Variants in CNTNAP2 observed in about 807,000 individuals in gnomAD.
CNTNAP2 encodes contactin associated protein 2, also known as contactin-associated protein-like 2.
In CNTNAP2, 98 loss-of-function variants were observed where a neutral mutation model predicts 155.2. The observed-to-expected ratio is 0.63, with a 90% CI of 0.54 to 0.75. CNTNAP2 has a LOEUF of 0.75. Ranked by LOEUF, CNTNAP2 falls within the 30% of genes least tolerant of loss-of-function variation. CNTNAP2 has a pLI of 0.00. For synonymous variants in CNTNAP2, 651 were observed against 631.2 expected (o/e 1.03, Z -0.47); for missense variants, 1,727 against 1,688.1 (o/e 1.02, Z -0.40).
intron 9 of CNTNAP2, among the ~76,000 whole-genome samples, chr7:147,308,928 A>G (rs1795077360): frequency 6.6e-6 from 1 of 152,212 alleles, no homozygotes. Flanking sequence ...TAATTTGGGG[A>G]CCTTGCCATT....
chr7:147,737,405 C>G (rs10215975), intron 13 of CNTNAP2, among the ~76,000 whole-genome samples: 1 of 152,122 alleles, frequency 6.6e-6, no homozygotes, highest in Non-Finnish European at 1.5e-5. Context: ...GAGGGGTACC[C>G]GGCCGGGTGA....
In CNTNAP2 at chr7:147,813,379, A is replaced by C. The variant is rs542556237; in HGVS notation, c.2099-90186A>C. ...AAGAAGAAAGCCTTTTTAGATGAAAAAGATAGTCATATGTCTCCAAACCCT... is the reference window on the plus strand; with the variant it reads ...AAGAAGAAAGCCTTTTTAGATGAAACAGATAGTCATATGTCTCCAAACCCT... On this transcript the variant is annotated intron_variant, in intron 13 of 23. Coordinates refer to ENST00000361727, the MANE Select transcript of CNTNAP2 (RefSeq NM_014141.6). 4.6e-5 allele frequency among the ~76,000 whole-genome samples: 7 copies of C among 152,340 alleles called. No homozygotes were observed. In the East Asian group the frequency reaches 1.4e-3, roughly 29 times the overall value.
At chr7:146,526,438 C>T (rs1422698504) in intron 1 of CNTNAP2, among the ~76,000 whole-genome samples, 1 of 152,090 alleles carries the variant, frequency 6.6e-6, no homozygotes, top group Non-Finnish European at 1.5e-5. Flanking sequence ...GAAGGAAGGG[C>T]AGATGTGTCA....
intron 9 of CNTNAP2, among the ~76,000 whole-genome samples, chr7:147,384,688 T>A (rs1796597843): frequency 6.6e-6 from 1 of 152,194 alleles, no homozygotes; most frequent in Non-Finnish European, 1.5e-5. Context: ...ATAAATGTAA[T>A]CCAAATTAGA....
chr7:147,641,151 A>T (rs1239463354), intron 13 of CNTNAP2, among the ~76,000 whole-genome samples: 1 of 147,580 alleles, frequency 6.8e-6, no homozygotes, highest in Non-Finnish European at 1.5e-5. Flanking sequence ...TTCCTGCTAG[A>T]CAAGAAACAT....
chr7:147,039,609 A>G (rs1213635712), intron 3 of CNTNAP2, among the ~76,000 whole-genome samples: 1 of 152,142 alleles, frequency 6.6e-6, no homozygotes, highest in Non-Finnish European at 1.5e-5. Flanking sequence ...TGCCTTTGCT[A>G]TTGTGAATAG....
intron 3 of CNTNAP2, among the ~76,000 whole-genome samples, chr7:146,873,610 G>GTACATTTCCATTATT (rs1795360463): frequency 6.6e-6 from 1 of 152,070 alleles, no homozygotes. Context: ...GAATGCAAGT[G>GTACATTTCCATTATT]GGTCAAGGGA....
intron 8 of CNTNAP2, among the ~76,000 whole-genome samples, chr7:147,196,982 C>G (rs1242543326): frequency 6.6e-6 from 1 of 152,108 alleles, no homozygotes; most frequent in Non-Finnish European, 1.5e-5. Context: ...ACGCGGACTT[C>G]TAGAACTAAA....
At chr7:146,321,818 A>C (rs190277438) in intron 1 of CNTNAP2, among the ~76,000 whole-genome samples, 20 of 152,328 alleles carry the variant, frequency 1.3e-4, no homozygotes, top group Admixed American at 1.3e-3. Flanking sequence ...TCACAAAGGC[A>C]CAAGTAATCT....
At chr7:147,607,645 T>C (rs943471830) in intron 12 of CNTNAP2, among the ~76,000 whole-genome samples, 2 of 152,136 alleles carry the variant, frequency 1.3e-5, no homozygotes, top group Non-Finnish European at 2.9e-5. Flanking sequence ...AGGGTCAACA[T>C]GAAAGGCAGC....
intron 1 of CNTNAP2, among the ~76,000 whole-genome samples, chr7:146,590,992 G>T (rs967919893): frequency 6.6e-6 from 1 of 152,012 alleles, no homozygotes; most frequent in Non-Finnish European, 1.5e-5. Flanking sequence ...CTTATTGGTA[G>T]CATATAAATT....
At chr7:147,472,204 C>CTTTTTTTT (rs542047274) in intron 10 of CNTNAP2, among the ~76,000 whole-genome samples, 1 of 81,072 alleles carries the variant, frequency 1.2e-5, no homozygotes, top group African/African-American at 5.2e-5. Flanking sequence ...TCTTTTTTTC[C>CTTTTTTTT]TTTTTTTTTT....
chr7:146,645,431 C>T (rs1045765614), intron 1 of CNTNAP2, among the ~76,000 whole-genome samples: 2 of 152,096 alleles, frequency 1.3e-5, no homozygotes, highest in African/African-American at 2.4e-5. Context: ...GGTCTGCATA[C>T]CCCCTGGCCA....
At chr7:147,657,984 C>T (rs1292594041) in intron 13 of CNTNAP2, among the ~76,000 whole-genome samples, 6 of 118,220 alleles carry the variant, frequency 5.1e-5, no homozygotes, top group South Asian at 5.7e-4. Context: ...TGGCCGGGCG[C>T]GGTGGCTCAC....
chr7:147,605,998 G>A (rs1371938354), intron 12 of CNTNAP2, among the ~76,000 whole-genome samples: 1 of 151,598 alleles, frequency 6.6e-6, no homozygotes, highest in Non-Finnish European at 1.5e-5. Context: ...ATAATAGTGA[G>A]TAGCAAGTCT....
intron 12 of CNTNAP2, among the ~76,000 whole-genome samples, chr7:147,616,572 C>T (rs1801297715): frequency 6.6e-6 from 1 of 152,110 alleles, no homozygotes; most frequent in African/African-American, 2.4e-5. Context: ...TCTTAGATTA[C>T]TCTTCCCATT....
chr7:147,819,063 T>C (rs907855363), intron 13 of CNTNAP2, among the ~76,000 whole-genome samples: 1 of 152,176 alleles, frequency 6.6e-6, no homozygotes, highest in African/African-American at 2.4e-5. Flanking sequence ...TACAGGTAAT[T>C]TAAGCTTGGG....
intron 1 of CNTNAP2, among the ~76,000 whole-genome samples, chr7:146,321,380 A>G (rs2129092507): frequency 6.6e-6 from 1 of 152,270 alleles, no homozygotes; most frequent in Admixed American, 6.5e-5. Context: ...TTTCACTTTA[A>G]AATCGAGAAC....
intron 9 of CNTNAP2, among the ~76,000 whole-genome samples, chr7:147,373,095 TA>T (rs1311102331): frequency 6.6e-6 from 1 of 152,074 alleles, no homozygotes; most frequent in Non-Finnish European, 1.5e-5. Context: ...CCGTTATTGT[TA>T]AAATTAACTT....
Sources: allele counts gnomAD v4.1 joint callset (sites outside exome capture counted in the v4.1 genomes callset), GRCh38; gene constraint gnomAD v4.1.1; transcripts MANE v1.5; gene names NCBI Gene and HGNC (gene_info 2026-07-23, HGNC 2026-07-21).